The following RANBP2 variants were observed in gnomAD, a reference collection of about 807,000 sequenced individuals.
RANBP2 encodes the protein RAN binding protein 2.
A neutral mutation model predicts 303.6 loss-of-function variants in RANBP2; 57 were observed. The observed-to-expected ratio is 0.19, with a 90% CI of 0.15 to 0.23. The LOEUF is 0.23. Ranked by LOEUF, RANBP2 falls within the 10% of genes least tolerant of loss-of-function variation. The pLI is 1.00. For synonymous variants in RANBP2, 1,167 were observed against 1,301.5 expected, an observed-to-expected ratio of 0.90 and a Z score of 2.23; for missense variants, 3,138 against 3,780.8, an observed-to-expected ratio of 0.83 and a Z score of 4.46.
At chr2:109,122,405 C>T in the RANBP2 span, among the ~76,000 whole-genome samples, 1 of 152,178 alleles carries the variant, frequency 6.6e-6, no homozygotes, top group Non-Finnish European at 1.5e-5. Flanking sequence ...AGCTATTCCT[C>T]CCGAGGGGCA....
the RANBP2 span, among the ~76,000 whole-genome samples, chr2:109,484,475 C>A: frequency 6.6e-6 from 1 of 152,162 alleles, no homozygotes; most frequent in Non-Finnish European, 1.5e-5. Flanking sequence ...TCTGACCACT[C>A]CCTTGGCCAC....
At chr2:109,085,601 CT>C in the RANBP2 span, among the ~76,000 whole-genome samples, 2,916 of 132,102 alleles carry the variant, frequency 0.022, 106 homozygotes, top group African/African-American at 0.073. Context: ...CCACACCTGG[CT>C]TTTTTTTTTT....
the RANBP2 span, among the ~76,000 whole-genome samples, chr2:109,028,174 G>C: frequency 6.6e-6 from 1 of 152,208 alleles, no homozygotes; most frequent in Admixed American, 6.5e-5. Flanking sequence ...AGGAGGCTGA[G>C]GTGGGTGGAT....
At chr2:109,243,730 T>C in the RANBP2 span, among the ~76,000 whole-genome samples, 1 of 152,070 alleles carries the variant, frequency 6.6e-6, no homozygotes, top group Non-Finnish European at 1.5e-5. Context: ...TTGAGCATGG[T>C]GTTTTCAGAG....
At chr2:109,566,896 T>G in the RANBP2 span, among the ~76,000 whole-genome samples, 9,811 of 152,218 alleles carry the variant, frequency 0.064, 748 homozygotes, top group East Asian at 0.24. Flanking sequence ...ATTTTAAAAT[T>G]GACATATTTA....
At chr2:109,744,462 T>G in the RANBP2 span, among the ~76,000 whole-genome samples, 4 of 94,058 alleles carry the variant, frequency 4.3e-5, 1 homozygote, top group African/African-American at 1.1e-4. Context: ...TTGTTTACAT[T>G]CCTTATAGAT....
At chr2:109,070,858 TAAAA>T in the RANBP2 span, among the ~76,000 whole-genome samples, 6 of 137,192 alleles carry the variant, frequency 4.4e-5, no homozygotes, top group Non-Finnish European at 3.1e-5. Context: ...AGACCCTATC[TAAAA>T]AAAAAAAAAA....
intron 14 of RANBP2, 62 bp downstream of exon 14, chr2:108,753,625 A>G (rs1676080266): frequency 1.3e-6 from 2 of 1,592,788 alleles, no homozygotes; most frequent in Non-Finnish European, 1.7e-6. Context: ...TTTTTAAAAG[A>G]CGGGGTTTCT....
At chr2:109,292,232 A>G in the RANBP2 span, among the ~76,000 whole-genome samples, 1 of 152,250 alleles carries the variant, frequency 6.6e-6, no homozygotes, top group African/African-American at 2.4e-5. Context: ...AAAATTTGTA[A>G]TGTATAAATG....
the RANBP2 span, among the ~76,000 whole-genome samples, chr2:108,985,155 A>C: frequency 6.6e-6 from 1 of 152,142 alleles, no homozygotes; most frequent in African/African-American, 2.4e-5. Context: ...ATCTTATTTC[A>C]GTATTTGGGC....
the RANBP2 span, among the ~76,000 whole-genome samples, chr2:109,486,339 TAC>T: frequency 6.6e-6 from 1 of 152,178 alleles, no homozygotes; most frequent in East Asian, 1.9e-4. Context: ...TTTCTTTGTA[TAC>T]AGAGTTGGAG....
the RANBP2 span, among the ~76,000 whole-genome samples, chr2:108,833,680 T>C: frequency 2.0e-5 from 3 of 151,690 alleles, no homozygotes; most frequent in African/African-American, 4.8e-5. Context: ...AAACAAATTT[T>C]CACAAATTTT....
chr2:109,652,725 C>T, the RANBP2 span, among the ~76,000 whole-genome samples: 1 of 152,190 alleles, frequency 6.6e-6, no homozygotes, highest in Admixed American at 6.5e-5. Flanking sequence ...CAGTCTCTAC[C>T]AGAGGCCAGG....
the RANBP2 span, among the ~76,000 whole-genome samples, chr2:108,808,587 G>T: frequency 6.6e-6 from 1 of 152,066 alleles, no homozygotes; most frequent in South Asian, 2.1e-4. Flanking sequence ...TCATGGTTTC[G>T]ATTTGCATTA....
the RANBP2 span, chr2:109,502,224 CCT>C: frequency 6.6e-6 from 1 of 152,266 alleles, no homozygotes. Flanking sequence ...CCCCACCGCC[CCT>C]GTTGGGAACC....
At chr2:108,930,273 G>A in the RANBP2 span, 4 of 1,613,720 alleles carry the variant, frequency 2.5e-6, no homozygotes, top group Non-Finnish European at 3.4e-6. Flanking sequence ...TGTGGCCTCC[G>A]TACCTCCTTA....
the RANBP2 span, among the ~76,000 whole-genome samples, chr2:109,012,223 A>AT: frequency 6.6e-6 from 1 of 152,060 alleles, no homozygotes; most frequent in Non-Finnish European, 1.5e-5. Context: ...TGTCCTCAGG[A>AT]TTTTCCTCTT....
the RANBP2 span, among the ~76,000 whole-genome samples, chr2:109,581,501 T>C: frequency 1.9e-3 from 292 of 151,572 alleles, 1 homozygote; most frequent in South Asian, 0.022. Context: ...ATAAAGCTTA[T>C]TTAAAAAGAA....
intron 24 of RANBP2, among the ~76,000 whole-genome samples, chr2:108,776,477 G>A (rs781069107): frequency 3.3e-5 from 5 of 152,142 alleles, no homozygotes; most frequent in Non-Finnish European, 7.4e-5. Context: ...GGAAGTTTAA[G>A]TTGTATTGCT....
Sources: gnomAD v4.1 joint callset for allele counts (sites outside exome capture counted in the v4.1 genomes callset) on GRCh38, gnomAD v4.1.1 for gene constraint, MANE v1.5 for transcripts, NCBI Gene and HGNC (gene_info 2026-07-23, HGNC 2026-07-21) for gene names.